The following TWF2 variants were observed in gnomAD, a reference collection of about 807,000 sequenced individuals.
TWF2 encodes the protein twinfilin actin binding protein 2.
Under a neutral mutation model 45.1 loss-of-function variants are expected in TWF2, and 15 were observed. That is an observed-to-expected ratio of 0.33 (90% CI 0.22 to 0.51). The LOEUF (loss-of-function observed/expected upper bound fraction) is 0.51, where lower values mean the gene tolerates loss of function less well. TWF2 is among the 20% of genes least tolerant of loss of function. TWF2 has a pLI of 0.97. For synonymous variants in TWF2, 177 were observed against 195.8 expected (o/e 0.90, Z 0.80); for missense variants, 423 against 469.1 (o/e 0.90, Z 0.91).
chr3:52,231,129 C>T lies in TWF2; in HGVS notation c.481G>A (p.Glu161Lys), dbSNP rs1281613518. 5.6e-6 allele frequency: 9 copies of T among 1,613,904 alleles called. No individual in the cohort carries two copies. The highest frequency in any genetic ancestry group is 7.6e-6 in the Non-Finnish European group (9 of 1,179,974). ...TGGGGCCTCTGCTCCCCACCCACCTCGTTAATGCGGATCTGCTGGAGCTCT... is the reference window on the plus strand; with the variant it reads ...TGGGGCCTCTGCTCCCCACCCACCTTGTTAATGCGGATCTGCTGGAGCTCT... ...ERELQQIRIN[E>K]VKTEISVESK... is the part of the protein sequence containing the mutation. The change falls in exon 5 of 9, where the codon GAG (glutamate) becomes AAG (lysine). Residue 161 changes from glutamate to lysine, a missense_variant and splice_region_variant. Physicochemically the swap from Glu to Lys is moderately conservative, Grantham distance 56. Transcript: ENST00000305533.
intron 8 of TWF2, 126 bp downstream of exon 8, chr3:52,229,535 C>T: frequency 6.8e-7 from 1 of 1,478,748 alleles, no homozygotes; most frequent in African/African-American, 1.4e-5. Flanking sequence ...CCTTGGGCCT[C>T]AGATGCCCTA....
At chr3:52,234,994 CCA>C in intron 2 of TWF2, 33 bp downstream of exon 2, 1 of 1,610,472 alleles carries the variant, frequency 6.2e-7, no homozygotes, top group Non-Finnish European at 8.5e-7. Context: ...GAGTCCACCC[CCA>C]AGCCTATACC....
In TWF2 at chr3:52,229,154, G is replaced by A. The variant is rs190665287; in HGVS notation, c.930C>T (p.Asp310=). 42 of 1,613,186 alleles carry A rather than the reference G, an allele frequency of 2.6e-5. No homozygotes were observed. Among genetic ancestry groups the A allele is most frequent in the Admixed American group, 1.5e-4 (9 of 60,026 alleles). ...AGGCGTGTTGCTTGGGGTGCACCTC[G>A]TCGTAGAGGAACTCTGCCGTCAGCT... is the stretch of plus-strand genomic sequence containing the variant. ...GAELTAEFLY[D]EVHPKQHAFK... Residue 310 remains aspartate, a synonymous_variant, in exon 9 of 9, where the codon GAC becomes GAT. Coordinates refer to ENST00000305533, the MANE Select transcript of TWF2 (RefSeq NM_007284.4).
chr3:52,231,035 C>A lies in TWF2; in HGVS notation c.484-40G>T. On this transcript the variant is annotated intron_variant, in intron 5 of 8. Transcript: ENST00000305533. Reference sequence around the variant, plus strand: ...ATGGTGAGGGAGGCCCTCACCGGCCCAAAGCAGGGTGTGGCTCCCAGGCAG... The same window carrying A: ...ATGGTGAGGGAGGCCCTCACCGGCCAAAAGCAGGGTGTGGCTCCCAGGCAG... 2 of 1,609,704 alleles carry A rather than the reference C, an allele frequency of 1.2e-6. 1 individual carries two copies.
In TWF2 at chr3:52,238,443, G is replaced by T. The variant is rs564128993; in HGVS notation, c.25+549C>A. Among the ~76,000 whole-genome samples, 9 of 152,316 alleles carry T rather than the reference G, an allele frequency of 5.9e-5. No individual in the cohort carries two copies. In the South Asian group the frequency reaches 1.2e-3, roughly 21 times the overall value. On this transcript the variant is annotated intron_variant, in intron 1 of 8. Transcript: ENST00000305533. Reference sequence around the variant, plus strand: ...ACAAGCCCATTCAAGTCAGACACATGCGGTATATGCATCCTTGGCAAAAAT... The same window carrying T: ...ACAAGCCCATTCAAGTCAGACACATTCGGTATATGCATCCTTGGCAAAAAT...
intron 2 of TWF2, among the ~76,000 whole-genome samples, chr3:52,234,174 A>G (rs575232863): frequency 2.0e-5 from 3 of 152,270 alleles, no homozygotes; most frequent in African/African-American, 7.2e-5. Context: ...GAGCCAACAC[A>G]ACGCGTGGAA....
rs2107300045 is a variant in TWF2 at position 52,229,142 on chromosome 3, G to A, written c.942C>T (p.Pro314=). The A allele has an allele frequency of 6.2e-7, 1 of 1,613,512 alleles. No homozygotes were observed. Among genetic ancestry groups the A allele is most frequent in the East Asian group, 2.2e-5 (1 of 44,892 alleles). ...TAEFLYDEVH[P]KQHAFKQAFA... The stretch of plus-strand genomic sequence containing the variant: ...AGGCCTGCTTGAAGGCGTGTTGCTT[G>A]GGGTGCACCTCGTCGTAGAGGAACT... Residue 314 remains proline, a synonymous_variant, in exon 9 of 9, where the codon CCC becomes CCT. Coordinates refer to ENST00000305533, the MANE Select transcript of TWF2 (RefSeq NM_007284.4).
In TWF2 at chr3:52,239,123, C is replaced by A. The variant is rs535998363; in HGVS notation, c.-107G>T. The A allele has an allele frequency of 3.8e-6, 5 of 1,327,064 alleles. No homozygotes were observed. Among genetic ancestry groups the A allele is most frequent in the Non-Finnish European group, 5.0e-6 (5 of 1,008,094 alleles). The allele number at this position is 1,327,064 out of a possible 1,614,324, so 82.2% of individuals were successfully genotyped here. A position where few individuals can be genotyped will look rare whatever the true frequency, so the allele number is the denominator to read the frequency against. ...TGGAGGATGTGGCGGAGGCTGTCGA[C>A]CCTCGCGCAGCTTCCCGGGCGGTGC... On this transcript the variant is annotated 5_prime_UTR_variant, in exon 1 of 9. Transcript: ENST00000305533.
At position 52,231,690 on chromosome 3, in the gene TWF2, C is replaced by T; in HGVS notation, c.283-151G>A. The stretch of plus-strand genomic sequence containing the variant: ...GGGCCAGGACGCAGCAGGTGGCCCC[C>T]ACCAGCAGGGGGAGCCCTCGTCCAG... On this transcript the variant is annotated intron_variant, in intron 3 of 8. Transcript: ENST00000305533. 4.9e-6 allele frequency: 5 copies of T among 1,019,474 alleles called. No individual in the cohort carries two copies. In the South Asian group the frequency reaches 6.4e-5, roughly 13 times the overall value. The allele number at this position is 1,019,474 out of a possible 1,614,324, so 63.2% of individuals were successfully genotyped here. A position where few individuals can be genotyped will look rare whatever the true frequency, so the allele number is the denominator to read the frequency against.
At chr3:52,229,859 C>A in intron 7 of TWF2, 61 bp downstream of exon 7, 1 of 1,594,844 alleles carries the variant, frequency 6.3e-7, no homozygotes, top group Non-Finnish European at 8.6e-7. Context: ...GCCTGCCCCA[C>A]TGCAGACCAG....
In TWF2 at chr3:52,236,388, G is replaced by A. The variant is rs954460044; in HGVS notation, c.26-1282C>T. On this transcript the variant is annotated intron_variant, in intron 1 of 8. Coordinates refer to ENST00000305533, the MANE Select transcript of TWF2 (RefSeq NM_007284.4). ...AGCCAGTGAGTGACCAAGGACCCCA[G>A]GGCAGAGGTGAGGACCATGGTGAGA... Among the ~76,000 whole-genome samples the A allele has an allele frequency of 8.5e-5, 13 of 152,142 alleles. No homozygotes were observed. In the East Asian group the frequency reaches 2.5e-3, roughly 29 times the overall value.
chr3:52,228,925 T>C lies in TWF2; in HGVS notation c.*109A>G. ...TGCAAGTGCGTTCAGCTGCCAGCCC[T>C]CCTGACCTCCCAGAAACACTTTCCT... On this transcript the variant is annotated 3_prime_UTR_variant, in exon 9 of 9. Transcript: ENST00000305533. 1 of 1,499,812 alleles carries C rather than the reference T, an allele frequency of 6.7e-7. No homozygotes were observed. Among genetic ancestry groups the C allele is most frequent in the Non-Finnish European group, 8.9e-7 (1 of 1,120,362 alleles). The allele number at this position is 1,499,812 out of a possible 1,614,324, so 92.9% of individuals were successfully genotyped here.
At chr3:52,238,344 G>A (rs1699746577) in intron 1 of TWF2, among the ~76,000 whole-genome samples, 1 of 152,180 alleles carries the variant, frequency 6.6e-6, no homozygotes, top group South Asian at 2.1e-4. Context: ...TCTCTGTTCC[G>A]GGTTTTCCCT....
chr3:52,232,134 G>A lies in TWF2; in HGVS notation c.104-12C>T, dbSNP rs1372111181. 6 of 1,538,886 alleles carry A rather than the reference G, an allele frequency of 3.9e-6. No homozygotes were observed. The South Asian group carries it at 4.8e-5, about 12-fold the overall frequency. ...CAGCACGAGCTGCTCTGGGGGCAGA[G>A]GCCGGATGAGCAGCCGCTCCCAGCT... On this transcript the variant is annotated splice_polypyrimidine_tract_variant and intron_variant, in intron 2 of 8. Coordinates refer to ENST00000305533, the MANE Select transcript of TWF2 (RefSeq NM_007284.4).
intron 2 of TWF2, among the ~76,000 whole-genome samples, chr3:52,232,649 A>C (rs189524447): frequency 3.9e-5 from 6 of 152,334 alleles, no homozygotes; most frequent in Non-Finnish European, 7.3e-5. Context: ...GGAAAGGAGG[A>C]GCAGGGGCTC....
intron 3 of TWF2, 112 bp downstream of exon 3, chr3:52,231,832 C>T (rs531236209): frequency 6.9e-7 from 1 of 1,459,772 alleles, no homozygotes; most frequent in East Asian, 2.3e-5. Context: ...ACAGCTCTTC[C>T]CCCACCCTCC....
chr3:52,233,862 T>A (rs1283218965), intron 2 of TWF2, among the ~76,000 whole-genome samples: 2 of 136,848 alleles, frequency 1.5e-5, no homozygotes, highest in Non-Finnish European at 3.0e-5. Flanking sequence ...TGCAGTAAGC[T>A]GAGATCACAC....
In TWF2 at chr3:52,230,866, C is replaced by T. The variant is rs964799810; in HGVS notation, c.609+4G>A. On this transcript the variant is annotated splice_donor_region_variant and intron_variant, in intron 6 of 8. Transcript: ENST00000305533. ...ATGTGCCAGGGTAGGGAGCAGGCAC[C>T]CACCATCTGGATGTAGTTGACCATT... is the stretch of plus-strand genomic sequence containing the variant. 7 of 1,610,774 alleles carry T rather than the reference C, an allele frequency of 4.3e-6. No individual in the cohort carries two copies. In the African/African-American group the frequency reaches 6.7e-5, roughly 15 times the overall value.
At chr3:52,233,559 G>A (rs1699698329) in intron 2 of TWF2, among the ~76,000 whole-genome samples, 1 of 152,176 alleles carries the variant, frequency 6.6e-6, no homozygotes, top group Non-Finnish European at 1.5e-5. Context: ...GGACCCTCCT[G>A]GGCAGTCCCA....
Sources: allele counts gnomAD v4.1 joint callset (sites outside exome capture counted in the v4.1 genomes callset), GRCh38; gene constraint gnomAD v4.1.1; transcripts MANE v1.5; gene names NCBI Gene and HGNC (gene_info 2026-07-23, HGNC 2026-07-21).